The following SLC23A2 variants were observed in gnomAD, a reference collection of about 807,000 sequenced individuals.
The protein encoded by SLC23A2 is Na(+)/L-ascorbic acid transporter 2.
Under a neutral mutation model 73.3 loss-of-function variants are expected in SLC23A2, and 36 were observed. The observed-to-expected ratio is 0.49, with a 90% CI of 0.38 to 0.65. The LOEUF is 0.65. Ranked by LOEUF, SLC23A2 falls within the 30% of genes least tolerant of loss-of-function variation. The pLI, the probability that SLC23A2 is intolerant of heterozygous loss-of-function variation, is 0.00. For synonymous variants in SLC23A2, 343 were observed against 327.3 expected, an observed-to-expected ratio of 1.05 and a Z score of -0.52; for missense variants, 507 against 841.6, an observed-to-expected ratio of 0.60 and a Z score of 4.92.
At position 4,899,812 on chromosome 20, in the gene SLC23A2, C is replaced by A. The variant is rs765995162; in HGVS notation, c.325-100G>T. 7.3e-5 allele frequency: 90 copies of A among 1,226,504 alleles called. No individual in the cohort carries two copies. Among genetic ancestry groups the A allele is most frequent in the Non-Finnish European group, 1.0e-4 (89 of 869,946 alleles). The allele number at this position is 1,226,504 out of a possible 1,614,324, so 76.0% of individuals were successfully genotyped here. On this transcript the variant is annotated intron_variant, in intron 5 of 16. Transcript: ENST00000338244. The surrounding 1 kb of genome is among the most constrained non-coding windows in gnomAD (Gnocchi z 4.9). ...CTCTCTTATTGTCGTTAAAAAATAG[C>A]CCACATAAAGAATCTCCTTGGTTTT...
Position 4,912,931 on chromosome 20 carries a change from C to T in SLC23A2, c.156G>A (p.Glu52=), listed in dbSNP as rs1932208251. 2 of 1,524,278 alleles carry T rather than the reference C, an allele frequency of 1.3e-6. No individual in the cohort carries two copies. The highest frequency in any genetic ancestry group is 3.8e-5 in the Admixed American group (2 of 52,288). 94.4% of individuals were successfully genotyped at this position (1,524,278 alleles called of 1,614,324 possible). Residue 52 remains glutamate (E), a synonymous_variant, in exon 4 of 17, where the codon GAG becomes GAA. Transcript: ENST00000338244. ...TGTAGATCGCCATGAGCTCAGTGTC[C>T]TCATTGTCCTGCTCACCGCTGGAGG... ...GATSSGEQDN[E]DTELMAIYTT...
intron 2 of SLC23A2, among the ~76,000 whole-genome samples, chr20:4,952,925 A>G (rs567795640): frequency 6.6e-6 from 1 of 152,156 alleles, no homozygotes; most frequent in South Asian, 2.1e-4. Flanking sequence ...CAGGAGGCTG[A>G]GGCAGGAGAA....
intron 1 of SLC23A2, among the ~76,000 whole-genome samples, chr20:4,985,007 C>T (rs996360390): frequency 7.2e-5 from 11 of 151,912 alleles, no homozygotes; most frequent in Non-Finnish European, 1.6e-4. Context: ...CGTGGTGGCA[C>T]GTGCCTGTAG....
intron 1 of SLC23A2, among the ~76,000 whole-genome samples, chr20:4,994,411 G>T (rs1433224215): frequency 6.6e-6 from 1 of 152,154 alleles, no homozygotes; most frequent in African/African-American, 2.4e-5. Context: ...GACAGGAAAT[G>T]ATTTTAGCCA....
chr20:4,868,023 T>C lies in SLC23A2; in HGVS notation c.1251-148A>G, dbSNP rs1250315997. ...TGGGAGCTGGGAGGGCGATTAAAAA[T>C]ACAATCTCAGACCCCACCCCAGACC... On this transcript the variant is annotated intron_variant, in intron 12 of 16. Transcript: ENST00000338244. The surrounding 1 kb of genome is among the most constrained non-coding windows in gnomAD (Gnocchi z 4.4). 4.4e-6 allele frequency: 2 copies of C among 458,620 alleles called. No homozygotes were observed. Among genetic ancestry groups the C allele is most frequent in the Non-Finnish European group, 7.8e-6 (2 of 255,044 alleles). The allele number at this position is 458,620 out of a possible 1,614,324, so 28.4% of individuals were successfully genotyped here. A position where few individuals can be genotyped will look rare whatever the true frequency, so the allele number is the denominator to read the frequency against.
Position 4,996,872 on chromosome 20 carries a change from T to G in SLC23A2, c.-282+4534A>C, listed in dbSNP as rs1385850787. 2.6e-5 allele frequency among the ~76,000 whole-genome samples: 4 copies of G among 152,056 alleles called. No individual in the cohort carries two copies. In the South Asian group the frequency reaches 8.3e-4, roughly 32 times the overall value. ...AGTCGAAAATTGGGACAAAGGACAA[T>G]GAGAAGCTCCCAAGATTTATATTTC... On this transcript the variant is annotated intron_variant, in intron 1 of 16. Coordinates refer to ENST00000338244, the MANE Select transcript of SLC23A2 (RefSeq NM_005116.6).
chr20:4,964,535 T>C (rs1421548138), intron 2 of SLC23A2, among the ~76,000 whole-genome samples: 2 of 152,162 alleles, frequency 1.3e-5, no homozygotes, highest in African/African-American at 4.8e-5. Flanking sequence ...CACATTCTTA[T>C]ATGAGCATAT....
At chr20:4,977,767 G>A (rs189912210) in intron 1 of SLC23A2, among the ~76,000 whole-genome samples, 29 of 151,818 alleles carry the variant, frequency 1.9e-4, no homozygotes, top group Admixed American at 1.6e-3. Context: ...TCGAACTCCT[G>A]AGCTCAAGTG....
chr20:4,885,551 T>A lies in SLC23A2; in HGVS notation c.571+270A>T, dbSNP rs1931064009. Among the ~76,000 whole-genome samples the A allele has an allele frequency of 2.6e-5, 4 of 152,242 alleles. No individual in the cohort carries two copies. The South Asian group carries it at 8.3e-4, about 31-fold the overall frequency. On this transcript the variant is annotated intron_variant, in intron 7 of 16. Transcript: ENST00000338244. ...GAAAAATAGCACAAATATTTTTCTA[T>A]TCCGTTCCCATATTTGTCAATTTCA...
At chr20:4,887,346 C>T (rs1252664843) in intron 6 of SLC23A2, among the ~76,000 whole-genome samples, 4 of 152,218 alleles carry the variant, frequency 2.6e-5, no homozygotes, top group African/African-American at 4.8e-5. Context: ...TAATTAGGGA[C>T]GGATGCTGTA....
chr20:4,953,070 G>A (rs1377519208), intron 2 of SLC23A2, among the ~76,000 whole-genome samples: 3 of 151,418 alleles, frequency 2.0e-5, no homozygotes, highest in African/African-American at 4.9e-5. Context: ...CACTTTGGGA[G>A]GCCGAGGCAG....
In SLC23A2 at chr20:4,856,761, G is replaced by T; in HGVS notation, c.*211C>A. ...GGCCAGCAATGGACACTCTCAAAGG[G>T]CAAGGAGTTAAGGGCTTAAATAAGG... is the stretch of plus-strand genomic sequence containing the variant. On this transcript the variant is annotated 3_prime_UTR_variant, in exon 17 of 17. Coordinates refer to ENST00000338244, the MANE Select transcript of SLC23A2 (RefSeq NM_005116.6). This position sits in a 1 kb window ranked among gnomAD's most constrained non-coding sequence, Gnocchi z 4.6. 3.7e-6 allele frequency: 2 copies of T among 543,432 alleles called. No homozygotes were observed. Among genetic ancestry groups the T allele is most frequent in the African/African-American group, 1.9e-5 (1 of 52,752 alleles). The allele number at this position is 543,432 out of a possible 1,614,324, so 33.7% of individuals were successfully genotyped here.
chr20:4,991,720 T>A (rs1164918549), intron 1 of SLC23A2, among the ~76,000 whole-genome samples: 1 of 139,314 alleles, frequency 7.2e-6, no homozygotes, highest in Non-Finnish European at 1.5e-5. Flanking sequence ...AGACTCCGTT[T>A]CACACACACA....
rs1202968866 is a variant in SLC23A2 at position 4,872,430 on chromosome 20, C to T, written c.1102+1506G>A. ...CTAAGTTTCGCCTTCTCGTGTGTGG[C>T]CCCATGGGTCCTAGTGAACTCCCTC... is the stretch of plus-strand genomic sequence containing the variant. On this transcript the variant is annotated intron_variant, in intron 11 of 16. Transcript: ENST00000338244. This position sits in a 1 kb window ranked among gnomAD's most constrained non-coding sequence, Gnocchi z 4.4. Among the ~76,000 whole-genome samples the T allele has an allele frequency of 6.6e-6, 1 of 152,162 alleles. No homozygotes were observed. Among genetic ancestry groups the T allele is most frequent in the African/African-American group, 2.4e-5 (1 of 41,438 alleles).
chr20:4,972,003 A>T (rs1388627946), intron 1 of SLC23A2, among the ~76,000 whole-genome samples: 1 of 152,206 alleles, frequency 6.6e-6, no homozygotes, highest in Non-Finnish European at 1.5e-5. Flanking sequence ...ATGAGCAGGT[A>T]CACAGATGTT....
chr20:4,992,283 T>C (rs2087938150), intron 1 of SLC23A2, among the ~76,000 whole-genome samples: 1 of 152,148 alleles, frequency 6.6e-6, no homozygotes, highest in African/African-American at 2.4e-5. Context: ...GGATTCAGCA[T>C]ATGATTAAGG....
chr20:4,987,784 C>T (rs2087856038), intron 1 of SLC23A2, among the ~76,000 whole-genome samples: 1 of 150,932 alleles, frequency 6.6e-6, no homozygotes, highest in South Asian at 2.1e-4. Context: ...GGAGGCGGAG[C>T]TTGCAGTGAG....
chr20:4,984,515 T>C (rs1218733710), intron 1 of SLC23A2, among the ~76,000 whole-genome samples: 1 of 151,034 alleles, frequency 6.6e-6, no homozygotes, highest in African/African-American at 2.4e-5. Flanking sequence ...ATTGCACCAC[T>C]GCACTCCAGC....
chr20:4,877,907 G>A (rs1034701791), intron 9 of SLC23A2, among the ~76,000 whole-genome samples: 6 of 152,216 alleles, frequency 3.9e-5, no homozygotes, highest in South Asian at 2.1e-4. Flanking sequence ...CTGAGACTCC[G>A]TCTCTAAACT....
Sources: gnomAD v4.1 joint callset for allele counts (sites outside exome capture counted in the v4.1 genomes callset) on GRCh38, gnomAD v4.1.1 for gene constraint, Gnocchi (gnomAD v3.1) non-coding constraint, MANE v1.5 for transcripts, NCBI Gene and HGNC (gene_info 2026-07-23, HGNC 2026-07-21) for gene names.